The following CNTN5 variants were observed in gnomAD, a reference collection of about 807,000 sequenced individuals.
The protein encoded by CNTN5 is contactin-5.
A neutral mutation model predicts 129.1 loss-of-function variants in CNTN5; 77 were observed. The ratio of observed to expected loss-of-function variants is 0.60; its 90% CI spans 0.50 to 0.72. The LOEUF (loss-of-function observed/expected upper bound fraction) is 0.72, where lower values mean the gene tolerates loss of function less well. Among genes scored for constraint, CNTN5 ranks in the 30% least tolerant of loss-of-function variants. The pLI, the probability that CNTN5 is intolerant of heterozygous loss-of-function variation, is 0.00. For synonymous variants in CNTN5, 509 were observed against 465.6 expected (o/e 1.09, Z -1.20); for missense variants, 1,478 against 1,328.8 (o/e 1.11, Z -1.75).
intron 9 of CNTN5, among the ~76,000 whole-genome samples, chr11:100,014,140 T>C (rs1486849382): frequency 6.6e-6 from 1 of 152,202 alleles, no homozygotes; most frequent in African/African-American, 2.4e-5. Flanking sequence ...TAGAATTTCA[T>C]GCATTCAAAA....
At chr11:99,218,783 G>A (rs775597487) in intron 1 of CNTN5, among the ~76,000 whole-genome samples, 1 of 152,084 alleles carries the variant, frequency 6.6e-6, no homozygotes, top group African/African-American at 2.4e-5. Context: ...ATGTGGCAAT[G>A]TAACTAATTC....
chr11:100,123,756 A>C (rs996384322), intron 13 of CNTN5, among the ~76,000 whole-genome samples: 4 of 152,004 alleles, frequency 2.6e-5, no homozygotes, highest in African/African-American at 9.7e-5. Context: ...AATGCAATTA[A>C]ATGGGTTCGG....
At chr11:99,850,562 G>A (rs1947841407) in intron 6 of CNTN5, among the ~76,000 whole-genome samples, 1 of 152,026 alleles carries the variant, frequency 6.6e-6, no homozygotes, top group Admixed American at 6.6e-5. Context: ...ATGTATGCTT[G>A]TATAATAATG....
chr11:99,311,322 C>T (rs1055027893), intron 1 of CNTN5, among the ~76,000 whole-genome samples: 3 of 152,112 alleles, frequency 2.0e-5, no homozygotes, highest in Non-Finnish European at 4.4e-5. Flanking sequence ...TGCTAAATTT[C>T]TGTCAAATAC....
chr11:99,556,205 G>A lies in CNTN5; in HGVS notation c.-10G>A. ...ACACATTGAGACACAGAAGATTCTA[G>A]TGACTGAGGATGGCTTCCTCTTGGA... is the stretch of plus-strand genomic sequence containing the variant. On this transcript the variant is annotated 5_prime_UTR_variant, in exon 3 of 25. It adds an upstream start codon to the 5' untranslated region. Coordinates refer to ENST00000524871, the MANE Select transcript of CNTN5 (RefSeq NM_014361.4). The A allele has an allele frequency of 6.7e-7, 1 of 1,499,386 alleles. No individual in the cohort carries two copies. The highest frequency in any genetic ancestry group is 9.0e-7 in the Non-Finnish European group (1 of 1,112,124). The allele number at this position is 1,499,386 out of a possible 1,614,324, so 92.9% of individuals were successfully genotyped here.
At chr11:99,516,958 T>C (rs1947077140) in intron 2 of CNTN5, among the ~76,000 whole-genome samples, 2 of 152,158 alleles carry the variant, frequency 1.3e-5, no homozygotes, top group Non-Finnish European at 2.9e-5. Context: ...TAATTGTGAT[T>C]GACATGAAAG....
At chr11:100,222,847 G>C (rs1192131680) in intron 15 of CNTN5, among the ~76,000 whole-genome samples, 1 of 150,942 alleles carries the variant, frequency 6.6e-6, no homozygotes, top group African/African-American at 2.4e-5. Flanking sequence ...CCCATTAAAA[G>C]ACCTAAGAAA....
chr11:99,928,675 A>C (rs887723347), intron 7 of CNTN5, among the ~76,000 whole-genome samples: 5 of 152,106 alleles, frequency 3.3e-5, no homozygotes, highest in African/African-American at 1.2e-4. Flanking sequence ...CTGGCCCACA[A>C]AACCATTTTC....
At chr11:99,458,794 C>A (rs1944585044) in intron 2 of CNTN5, among the ~76,000 whole-genome samples, 1 of 151,892 alleles carries the variant, frequency 6.6e-6, no homozygotes. Flanking sequence ...GGGAACTGAG[C>A]AAATAAAGTT....
At chr11:99,386,055 G>A (rs759405883) in intron 2 of CNTN5, among the ~76,000 whole-genome samples, 4 of 152,102 alleles carry the variant, frequency 2.6e-5, no homozygotes, top group Admixed American at 6.5e-5. Context: ...AAAGATCAAC[G>A]GCATATACTG....
chr11:100,270,809 G>A (rs777583899), intron 17 of CNTN5, among the ~76,000 whole-genome samples: 5 of 152,124 alleles, frequency 3.3e-5, no homozygotes, highest in Non-Finnish European at 7.3e-5. Context: ...TGGGGCTGAG[G>A]GATTGATGAA....
chr11:99,693,964 T>C (rs1954149860), intron 3 of CNTN5, among the ~76,000 whole-genome samples: 1 of 152,062 alleles, frequency 6.6e-6, no homozygotes, highest in East Asian at 1.9e-4. Flanking sequence ...TGATACATAA[T>C]GTATAAACAT....
chr11:100,137,119 G>T (rs1244695372), intron 13 of CNTN5, among the ~76,000 whole-genome samples: 1 of 151,886 alleles, frequency 6.6e-6, no homozygotes, highest in African/African-American at 2.4e-5. Context: ...ACAAGGATGT[G>T]TTTTTATATT....
At chr11:99,989,481 CA>C (rs1407828577) in intron 8 of CNTN5, among the ~76,000 whole-genome samples, 3 of 150,620 alleles carry the variant, frequency 2.0e-5, no homozygotes, top group African/African-American at 4.9e-5. Flanking sequence ...TCTAATTATT[CA>C]AAAGGCTCCA....
At chr11:99,584,232 G>A (rs188239156) in intron 3 of CNTN5, among the ~76,000 whole-genome samples, 40 of 152,120 alleles carry the variant, frequency 2.6e-4, no homozygotes, top group African/African-American at 9.6e-4. Context: ...TACATTACCG[G>A]GACATAACAC....
rs565836975 is a variant in CNTN5, at chr11:99,871,268, C to T, written c.577+26006C>T. ...AAAAATATTAAGCGAAAATTATAAA[C>T]TAGTAGACATTTAAATAATCAGAGC... On this transcript the variant is annotated intron_variant, in intron 6 of 24. Transcript: ENST00000524871. Among the ~76,000 whole-genome samples the T allele has an allele frequency of 2.0e-5, 3 of 151,956 alleles. No individual in the cohort carries two copies. The East Asian group carries it at 5.8e-4, about 29-fold the overall frequency.
intron 2 of CNTN5, among the ~76,000 whole-genome samples, chr11:99,406,667 T>C (rs972824954): frequency 7.2e-5 from 11 of 152,152 alleles, no homozygotes; most frequent in African/African-American, 2.7e-4. Context: ...CTTGGACAGG[T>C]CCAGAGGTGC....
chr11:99,111,173 A>T (rs1373562687), intron 1 of CNTN5, among the ~76,000 whole-genome samples: 1 of 152,150 alleles, frequency 6.6e-6, no homozygotes, highest in Non-Finnish European at 1.5e-5. Flanking sequence ...TGAAAGCAGA[A>T]TATTAAAACA....
intron 15 of CNTN5, among the ~76,000 whole-genome samples, chr11:100,194,125 T>A (rs1948573657): frequency 6.6e-6 from 1 of 152,018 alleles, no homozygotes; most frequent in African/African-American, 2.4e-5. Context: ...ACATTAGCCT[T>A]AAGTCAGTAT....
Sources: allele counts gnomAD v4.1 joint callset (sites outside exome capture counted in the v4.1 genomes callset), GRCh38; gene constraint gnomAD v4.1.1; transcripts MANE v1.5; gene names NCBI Gene and HGNC (gene_info 2026-07-23, HGNC 2026-07-21).